CPPED1: variants seen among roughly 807,000 people sequenced by gnomAD.
The protein encoded by CPPED1 is calcineurin like phosphoesterase domain containing 1.
Under a neutral mutation model 28.0 loss-of-function variants are expected in CPPED1, and 28 were observed. The ratio of observed to expected loss-of-function variants is 1.00; its 90% confidence interval spans 0.74 to 1.37. The LOEUF (loss-of-function observed/expected upper bound fraction) is 1.37, where lower values mean the gene tolerates loss of function less well. Ranked by LOEUF, CPPED1 falls within the 40% of genes most tolerant of loss-of-function variation. CPPED1 has a pLI of 0.00. For missense variants in CPPED1, 504 were observed against 416.5 expected (o/e 1.21, Z -1.83); for synonymous variants, 198 against 180.2 (o/e 1.10, Z -0.79).
At chr16:12,706,243 T>A (rs919165662) in intron 2 of CPPED1, among the ~76,000 whole-genome samples, 1 of 151,986 alleles carries the variant, frequency 6.6e-6, no homozygotes, top group Non-Finnish European at 1.5e-5. Context: ...TCATGTATTA[T>A]GGATAAAATG....
intron 1 of CPPED1, among the ~76,000 whole-genome samples, chr16:12,789,224 C>G (rs552582900): frequency 6.6e-6 from 1 of 152,220 alleles, no homozygotes; most frequent in African/African-American, 2.4e-5. Context: ...TGCCACAGTC[C>G]CCACCTGGCC....
At chr16:12,732,810 T>A (rs2080206266) in intron 2 of CPPED1, among the ~76,000 whole-genome samples, 1 of 152,178 alleles carries the variant, frequency 6.6e-6, no homozygotes, top group East Asian at 1.9e-4. Flanking sequence ...ACTATCACTT[T>A]AATGTGAGGG....
chr16:12,666,656 C>T (rs1047305731), intron 3 of CPPED1, among the ~76,000 whole-genome samples: 1 of 152,090 alleles, frequency 6.6e-6, no homozygotes, highest in Non-Finnish European at 1.5e-5. Flanking sequence ...CCAGTAGTGC[C>T]CATTACATAT....
At chr16:12,799,744 A>C (rs2141248580) in intron 1 of CPPED1, among the ~76,000 whole-genome samples, 1 of 152,302 alleles carries the variant, frequency 6.6e-6, no homozygotes, top group South Asian at 2.1e-4. Context: ...AGCACCTAGT[A>C]ATGTGAACCC....
intron 2 of CPPED1, among the ~76,000 whole-genome samples, chr16:12,737,642 T>A (rs566203558): frequency 1.3e-3 from 197 of 152,328 alleles, no homozygotes; most frequent in African/African-American, 4.5e-3. Context: ...ACACATGGTC[T>A]GAGCAGCTTA....
At chr16:12,764,451 C>T (rs1567300512) in intron 2 of CPPED1, among the ~76,000 whole-genome samples, 1 of 152,176 alleles carries the variant, frequency 6.6e-6, no homozygotes, top group Non-Finnish European at 1.5e-5. Context: ...GATCTGCCCA[C>T]CTTGGCCTCT....
intron 1 of CPPED1, among the ~76,000 whole-genome samples, chr16:12,802,276 T>C (rs1455275747): frequency 6.6e-6 from 1 of 152,110 alleles, no homozygotes; most frequent in African/African-American, 2.4e-5. Context: ...AAAATCTTCA[T>C]GTTGGACAAA....
intron 2 of CPPED1, among the ~76,000 whole-genome samples, chr16:12,756,325 T>C (rs12443503): frequency 0.26 from 39,792 of 151,882 alleles, 5,809 homozygotes; most frequent in African/African-American, 0.4. Flanking sequence ...ATTATGGGAG[T>C]GATCTGCAAC....
chr16:12,803,570 A>G, intron 1 of CPPED1, 137 bp downstream of exon 1: 1 of 691,436 alleles, frequency 1.4e-6, no homozygotes, highest in South Asian at 2.6e-5. Flanking sequence ...GCTTTGATGC[A>G]GCTATGGCGG....
At chr16:12,790,656 C>T (rs138642396) in intron 1 of CPPED1, among the ~76,000 whole-genome samples, 1 of 152,084 alleles carries the variant, frequency 6.6e-6, no homozygotes, top group Admixed American at 6.6e-5. Context: ...CGCGGTGGCT[C>T]ACGCCTGTAA....
chr16:12,798,784 A>C (rs921483707), intron 1 of CPPED1, among the ~76,000 whole-genome samples: 3 of 152,384 alleles, frequency 2.0e-5, no homozygotes, highest in East Asian at 1.9e-4. Context: ...ACTTCTCAAA[A>C]GACAATTACT....
At chr16:12,701,468 A>G (rs904223123) in intron 3 of CPPED1, among the ~76,000 whole-genome samples, 1 of 152,128 alleles carries the variant, frequency 6.6e-6, no homozygotes, top group Non-Finnish European at 1.5e-5. Context: ...TGGGAGGTGG[A>G]GGAGGTGGTA....
At chr16:12,778,864 A>C (rs1039105012) in intron 2 of CPPED1, among the ~76,000 whole-genome samples, 6 of 152,220 alleles carry the variant, frequency 3.9e-5, no homozygotes, top group Admixed American at 3.9e-4. Context: ...CCAAGTCTCC[A>C]GAACAAATTA....
At chr16:12,728,367 T>C (rs1185848045) in intron 2 of CPPED1, among the ~76,000 whole-genome samples, 1 of 152,082 alleles carries the variant, frequency 6.6e-6, no homozygotes, top group Non-Finnish European at 1.5e-5. Flanking sequence ...AAATAAAATA[T>C]ACTGAATTCG....
At chr16:12,733,319 G>C (rs1359542657) in intron 2 of CPPED1, among the ~76,000 whole-genome samples, 1 of 145,732 alleles carries the variant, frequency 6.9e-6, no homozygotes, top group Non-Finnish European at 1.5e-5. Flanking sequence ...CTGTCACCCA[G>C]GCTGGAATGC....
intron 2 of CPPED1, among the ~76,000 whole-genome samples, chr16:12,710,386 G>C (rs2080073822): frequency 6.7e-6 from 1 of 149,130 alleles, no homozygotes; most frequent in Non-Finnish European, 1.5e-5. Flanking sequence ...AAGACTAGGA[G>C]AGAAATAGGT....
chr16:12,665,081 C>G lies in CPPED1; in HGVS notation c.750G>C (p.Arg250Ser), dbSNP rs753835597. 3 of 1,605,106 alleles carry G rather than the reference C, an allele frequency of 1.9e-6. No homozygotes were observed. Among genetic ancestry groups the G allele is most frequent in the Non-Finnish European group, 2.5e-6 (3 of 1,177,570 alleles). ...GGTTCTGGTAGGTACCCCCGGCATT[C>G]CTGTGGTAGTGGCCTGAGAACACGA... ...VKVVFSGHYH[R>S]NAGGTYQNLD... Residue 250 changes from arginine to serine, a missense_variant, in exon 4 of 4, where the codon AGG (arginine) becomes AGC (serine). Transcript: ENST00000381774.
chr16:12,733,778 T>G (rs1429542818), intron 2 of CPPED1, among the ~76,000 whole-genome samples: 1 of 152,200 alleles, frequency 6.6e-6, no homozygotes, highest in African/African-American at 2.4e-5. Flanking sequence ...CTCACGAGGG[T>G]GGCTGCCTCT....
intron 2 of CPPED1, among the ~76,000 whole-genome samples, chr16:12,728,058 T>A (rs977160544): frequency 1.3e-5 from 2 of 152,218 alleles, no homozygotes; most frequent in Non-Finnish European, 2.9e-5. Context: ...CAATCACGCT[T>A]CCTTCCCTTG....
Sources: gnomAD v4.1 joint callset for allele counts (sites outside exome capture counted in the v4.1 genomes callset) on GRCh38, gnomAD v4.1.1 for gene constraint, MANE v1.5 for transcripts, NCBI Gene and HGNC (gene_info 2026-07-23, HGNC 2026-07-21) for gene names.